CHD5: variants seen among roughly 807,000 people sequenced by gnomAD.
CHD5 encodes chromodomain helicase DNA binding protein 5.
A neutral mutation model predicts 230.3 loss-of-function variants in CHD5; 69 were observed. That is an observed-to-expected ratio of 0.30 (90% CI 0.25 to 0.37). CHD5 has a LOEUF of 0.37. CHD5 is among the 10% of genes least tolerant of loss of function. The pLI, the probability that CHD5 is intolerant of heterozygous loss-of-function variation, is 1.00. For synonymous variants in CHD5, 1,064 were observed against 1,065.9 expected (o/e 1.00, Z 0.03); for missense variants, 1,827 against 2,622.8 (o/e 0.70, Z 6.63).
At position 6,128,002 on chromosome 1, in the gene CHD5, A is replaced by G. The variant is rs192319708; in HGVS notation, c.3903+44T>C. 0.011 allele frequency: 14,507 copies of G among 1,328,788 alleles called. 1,026 individuals are homozygous for G. The African/African-American group carries it at 0.19, about 17-fold the overall frequency. The allele number at this position is 1,328,788 out of a possible 1,614,324, so 82.3% of individuals were successfully genotyped here. Reference sequence around the variant, plus strand: ...GACACAGTGGGGGGCGGGGCTGCGGATGGAGGGCGGGGCTGCGGATGGAGG... The same window carrying G: ...GACACAGTGGGGGGCGGGGCTGCGGGTGGAGGGCGGGGCTGCGGATGGAGG... On this transcript the variant is annotated intron_variant, in intron 25 of 41. Coordinates refer to ENST00000262450, the MANE Select transcript of CHD5 (RefSeq NM_015557.3). The surrounding 1 kb of genome is among the most constrained non-coding windows in gnomAD (Gnocchi z 7.8).
rs543613572 is a variant in CHD5, at chr1:6,107,684, T to C, written c.5579-905A>G. Among the ~76,000 whole-genome samples, 6 of 101,198 alleles carry C rather than the reference T, an allele frequency of 5.9e-5. No individual in the cohort carries two copies. In the East Asian group the frequency reaches 1.9e-3, roughly 33 times the overall value. The allele number at this position is 101,198 out of a possible 152,430, so 66.4% of individuals were successfully genotyped here. On this transcript the variant is annotated intron_variant, in intron 38 of 41. Coordinates refer to ENST00000262450, the MANE Select transcript of CHD5 (RefSeq NM_015557.3). ...AAATGAAGGGATGATGGAGGGATAATATAGGGATGGAGGGATGATGGAGAG... is the reference window on the plus strand; with the variant it reads ...AAATGAAGGGATGATGGAGGGATAACATAGGGATGGAGGGATGATGGAGAG...
chr1:6,117,147 A>G (rs1379326447), intron 33 of CHD5, among the ~76,000 whole-genome samples: 1 of 152,194 alleles, frequency 6.6e-6, no homozygotes, highest in East Asian at 1.9e-4. Context: ...TGGCAGGAAA[A>G]GAGAAAAAAG....
At chr1:6,178,068 T>C (rs548306049) in intron 1 of CHD5, among the ~76,000 whole-genome samples, 1 of 152,278 alleles carries the variant, frequency 6.6e-6, no homozygotes, top group Non-Finnish European at 1.5e-5. Flanking sequence ...GGAAAGGCTC[T>C]GGAGGTGGAG....
At chr1:6,135,546 T>C in intron 17 of CHD5, 143 bp from the exon 18 acceptor site, 1 of 685,724 alleles carries the variant, frequency 1.5e-6, no homozygotes. Context: ...TCAATTTCTG[T>C]CTAAGCCTGT....
intron 38 of CHD5, 24 bp downstream of exon 38, chr1:6,109,771 C>T (rs1204879810): frequency 6.2e-7 from 1 of 1,603,670 alleles, no homozygotes; most frequent in South Asian, 1.1e-5. Context: ...GGGGGCTGCA[C>T]CGTGGGGGGC....
chr1:6,176,396 G>C (rs1245275940), intron 1 of CHD5, among the ~76,000 whole-genome samples: 7 of 152,186 alleles, frequency 4.6e-5, no homozygotes. Context: ...CACTAGCTTT[G>C]TCTGTGATTG....
chr1:6,120,762 G>T (rs909434686), intron 33 of CHD5, among the ~76,000 whole-genome samples: 1 of 152,172 alleles, frequency 6.6e-6, no homozygotes, highest in Non-Finnish European at 1.5e-5. Flanking sequence ...AATTAGCTGG[G>T]TGTGGTGGTA....
At chr1:6,147,186 C>T (rs1030746160) in intron 9 of CHD5, among the ~76,000 whole-genome samples, 20 of 152,316 alleles carry the variant, frequency 1.3e-4, no homozygotes, top group Admixed American at 1.3e-3. Flanking sequence ...GAAACTGAGG[C>T]CCACTCGGCA....
At position 6,159,482 on chromosome 1, in the gene CHD5, C is replaced by A; in HGVS notation, c.241G>T (p.Asp81Tyr). 1.3e-6 allele frequency: 2 copies of A among 1,598,986 alleles called. No homozygotes were observed. Among genetic ancestry groups the A allele is most frequent in the South Asian group, 2.3e-5 (2 of 88,800 alleles). ...TCACTCTCCGACTTCTCTTCCAGATCCTCTTCATTCTCTGATAGCTCATCA... is the reference window on the plus strand; with the variant it reads ...TCACTCTCCGACTTCTCTTCCAGATACTCTTCATTCTCTGATAGCTCATCA... ...SNDELSENEE[D>Y]LEEKSESEGS... The change falls in exon 3 of 42, where the codon GAT becomes TAT. Residue 81 changes from aspartate to tyrosine, a missense_variant. Physicochemically the swap from Asp to Tyr is radical, Grantham distance 160. Around this residue, in one of 14 missense-constraint regions of CHD5, gnomAD observed 657 missense variants for 816.4 expected, o/e 0.80. Coordinates refer to ENST00000262450, the MANE Select transcript of CHD5 (RefSeq NM_015557.3).
intron 6 of CHD5, 109 bp from the exon 7 acceptor site, chr1:6,151,264 T>G: frequency 7.7e-7 from 1 of 1,290,682 alleles, no homozygotes; most frequent in South Asian, 1.8e-5. Context: ...GGAGACACAG[T>G]GCTCTCTGTG....
chr1:6,156,249 C>T (rs940725464), intron 3 of CHD5, among the ~76,000 whole-genome samples: 11 of 152,180 alleles, frequency 7.2e-5, no homozygotes, highest in Non-Finnish European at 1.3e-4. Context: ...AGACATGAGG[C>T]CTCCAGGCCA....
At chr1:6,159,251 ACACAC>A in intron 3 of CHD5, 80 bp downstream of exon 3, 1 of 1,524,020 alleles carries the variant, frequency 6.6e-7, no homozygotes, top group Non-Finnish European at 8.8e-7. Flanking sequence ...ACACACACAC[ACACAC>A]ACAGAACATA....
intron 8 of CHD5, 38 bp downstream of exon 8, chr1:6,149,208 T>G (rs1458709889): frequency 1.3e-6 from 2 of 1,530,528 alleles, no homozygotes; most frequent in Non-Finnish European, 1.8e-6. Context: ...GAGCCAGGCG[T>G]GGCCCCGCCC....
rs1250616226 is a variant in CHD5, at chr1:6,180,038, G to A, written c.-15C>T. ...GGGCCCCGCATGCCCGGCGCGGGGA[G>A]GAGGGGAGGTGGGCGCCCCCCCTCC... On this transcript the variant is annotated 5_prime_UTR_variant, in exon 1 of 42. Coordinates refer to ENST00000262450, the MANE Select transcript of CHD5 (RefSeq NM_015557.3). 4.6e-6 allele frequency: 6 copies of A among 1,300,036 alleles called. No individual in the cohort carries two copies. The East Asian group carries it at 2.3e-4, about 51-fold the overall frequency. The allele number at this position is 1,300,036 out of a possible 1,614,324, so 80.5% of individuals were successfully genotyped here.
intron 1 of CHD5, among the ~76,000 whole-genome samples, chr1:6,177,714 G>A (rs1451162267): frequency 6.6e-6 from 1 of 152,210 alleles, no homozygotes; most frequent in Non-Finnish European, 1.5e-5. Flanking sequence ...CATTCGAGCT[G>A]GGACCTAAAT....
chr1:6,174,734 T>C (rs1162223987), intron 1 of CHD5, among the ~76,000 whole-genome samples: 2 of 148,732 alleles, frequency 1.3e-5, no homozygotes, highest in Non-Finnish European at 3.0e-5. Context: ...GGTGAATAAG[T>C]GGATAGATGG....
chr1:6,106,189 A>T (rs773061307), intron 41 of CHD5, 45 bp downstream of exon 41: 132 of 1,564,156 alleles, frequency 8.4e-5, no homozygotes, highest in Non-Finnish European at 1.1e-4. Flanking sequence ...CTGGTTTGCC[A>T]GCAATGGGGT....
At position 6,118,694 on chromosome 1, in the gene CHD5, CT is replaced by C. The variant is rs200379958; in HGVS notation, c.4912+2410del. Among the ~76,000 whole-genome samples, 1,000 of 145,876 alleles carry C rather than the reference CT, an allele frequency of 6.9e-3. 7 individuals carry two copies. The highest frequency in any genetic ancestry group is 0.025 in the African/African-American group (933 of 37,748). Reference sequence around the variant, plus strand: ...TGTACTAAAAATAACAAATGGTATACTTCATTACTTTTTTTTTTTTGAGACA... The same window carrying C: ...TGTACTAAAAATAACAAATGGTATACTCATTACTTTTTTTTTTTTGAGACA... On this transcript the variant is annotated intron_variant, in intron 33 of 41. Transcript: ENST00000262450.
chr1:6,134,353 C>CA lies in CHD5; in HGVS notation c.3013-95dup, dbSNP rs1666705198. The CA allele has an allele frequency of 6.9e-7, 1 of 1,442,232 alleles. No homozygotes were observed. The highest frequency in any genetic ancestry group is 9.5e-7 in the Non-Finnish European group (1 of 1,052,308). The allele number at this position is 1,442,232 out of a possible 1,614,324, so 89.3% of individuals were successfully genotyped here. Reference sequence around the variant, plus strand: ...CCGCAGGGAACAGACAAGTGCTGAGCAATGGGGTGATGGCCTGTCTGCCCA... The same window carrying CA: ...CCGCAGGGAACAGACAAGTGCTGAGCAAATGGGGTGATGGCCTGTCTGCCCA... On this transcript the variant is annotated intron_variant, in intron 19 of 41. Transcript: ENST00000262450. The surrounding 1 kb of genome is among the most constrained non-coding windows in gnomAD (Gnocchi z 6.3).
Sources: allele counts gnomAD v4.1 joint callset (sites outside exome capture counted in the v4.1 genomes callset), GRCh38; gene constraint gnomAD v4.1.1; regional missense constraint gnomAD v4.1.1; non-coding constraint Gnocchi (gnomAD v3.1); transcripts MANE v1.5; gene names NCBI Gene and HGNC (gene_info 2026-07-23, HGNC 2026-07-21).